NKAIN2: variants seen among roughly 807,000 people sequenced by gnomAD.
NKAIN2 encodes sodium/potassium transporting ATPase interacting 2.
A neutral mutation model predicts 32.6 loss-of-function variants in NKAIN2; 14 were observed. That is an observed-to-expected ratio of 0.43 (90% CI 0.28 to 0.67). NKAIN2 has a LOEUF of 0.67. NKAIN2 is among the 30% of genes least tolerant of loss of function. NKAIN2 has a pLI of 0.17. For missense variants in NKAIN2, 198 were observed against 258.3 expected, an observed-to-expected ratio of 0.77 and a Z score of 1.60; for synonymous variants, 80 against 87.2, an observed-to-expected ratio of 0.92 and a Z score of 0.46.
intron 3 of NKAIN2, among the ~76,000 whole-genome samples, chr6:124,581,168 G>A (rs112012790): frequency 3.3e-5 from 5 of 152,078 alleles, no homozygotes; most frequent in East Asian, 1.9e-4. Flanking sequence ...GGCCGGGCGC[G>A]GTGGCTCACG....
chr6:124,512,871 G>A (rs1356971403), intron 3 of NKAIN2, among the ~76,000 whole-genome samples: 1 of 152,056 alleles, frequency 6.6e-6, no homozygotes, highest in Non-Finnish European at 1.5e-5. Flanking sequence ...TAGAAGTGCA[G>A]AAAAATGGTA....
At chr6:123,814,700 A>C (rs929794395) in intron 1 of NKAIN2, among the ~76,000 whole-genome samples, 3 of 151,968 alleles carry the variant, frequency 2.0e-5, no homozygotes, top group African/African-American at 7.2e-5. Flanking sequence ...TTTTTTTTGA[A>C]GTTTACATAG....
intron 4 of NKAIN2, 52 bp from the exon 5 acceptor site, chr6:124,791,287 T>C: frequency 2.9e-6 from 4 of 1,386,690 alleles, no homozygotes; most frequent in Non-Finnish European, 4.1e-6. Context: ...TCCAGTGAGG[T>C]CTGGTGTTGG....
rs1354830860 is a variant in NKAIN2, at chr6:124,025,702, C to T, written c.54+221448C>T. On this transcript the variant is annotated intron_variant, in intron 1 of 6. Coordinates refer to ENST00000368417, the MANE Select transcript of NKAIN2 (RefSeq NM_001040214.3). The stretch of plus-strand genomic sequence containing the variant: ...ATTTAAGTGTTCTTACCACAATAGA[C>T]GTAAGTGTGTGAGGTGATGGATATG... Among the ~76,000 whole-genome samples the T allele has an allele frequency of 1.3e-5, 2 of 152,134 alleles. 1 individual carries two copies. The highest frequency in any genetic ancestry group is 4.1e-4 in the South Asian group (2 of 4,834).
chr6:124,508,555 G>A (rs1368093743), intron 3 of NKAIN2, among the ~76,000 whole-genome samples: 4 of 151,948 alleles, frequency 2.6e-5, no homozygotes, highest in African/African-American at 9.7e-5. Flanking sequence ...GTGTTAGCCA[G>A]AATGGTCTCG....
In NKAIN2 at chr6:124,234,486, A is replaced by C. The variant is rs1400136242; in HGVS notation, c.55-48519A>C. 2.0e-5 allele frequency among the ~76,000 whole-genome samples: 3 copies of C among 152,136 alleles called. No individual in the cohort carries two copies. The East Asian group carries it at 5.8e-4, about 29-fold the overall frequency. ...TTTCAAGTGCTAAATTCTAGTATGCATACAATATGCTCTTTATAAATATAG... is the reference window on the plus strand; with the variant it reads ...TTTCAAGTGCTAAATTCTAGTATGCCTACAATATGCTCTTTATAAATATAG... On this transcript the variant is annotated intron_variant, in intron 1 of 6. Transcript: ENST00000368417.
Position 124,541,611 on chromosome 6 carries a change from A to G in NKAIN2, c.274-116575A>G, listed in dbSNP as rs1485097770. 2.6e-5 allele frequency among the ~76,000 whole-genome samples: 4 copies of G among 152,192 alleles called. No homozygotes were observed. The East Asian group carries it at 7.7e-4, about 29-fold the overall frequency. On this transcript the variant is annotated intron_variant, in intron 3 of 6. Coordinates refer to ENST00000368417, the MANE Select transcript of NKAIN2 (RefSeq NM_001040214.3). ...TAATACTGTGACATTCAACTGTGAA[A>G]ACCAATTATTACACAATTAGAAGCA...
At chr6:124,811,267 G>A (rs541072225) in intron 5 of NKAIN2, among the ~76,000 whole-genome samples, 22 of 152,230 alleles carry the variant, frequency 1.4e-4, no homozygotes, top group African/African-American at 5.1e-4. Context: ...TGAACTGCCT[G>A]TTAAATTTTC....
At chr6:124,112,322 G>C (rs1785423117) in intron 1 of NKAIN2, among the ~76,000 whole-genome samples, 1 of 152,066 alleles carries the variant, frequency 6.6e-6, no homozygotes, top group Admixed American at 6.6e-5. Context: ...GACAGTTTTT[G>C]CCAGGTGGAG....
At chr6:124,570,708 G>A (rs1178615792) in intron 3 of NKAIN2, among the ~76,000 whole-genome samples, 6 of 152,248 alleles carry the variant, frequency 3.9e-5, no homozygotes, top group East Asian at 1.9e-4. Context: ...GGGCCCTCAT[G>A]GAGAACCTCT....
chr6:124,490,604 C>G (rs1777825706), intron 3 of NKAIN2, among the ~76,000 whole-genome samples: 1 of 151,530 alleles, frequency 6.6e-6, no homozygotes, highest in Non-Finnish European at 1.5e-5. Flanking sequence ...CCATTAATTT[C>G]AGTCATGTGA....
At chr6:123,821,976 G>T (rs973614312) in intron 1 of NKAIN2, among the ~76,000 whole-genome samples, 3 of 141,854 alleles carry the variant, frequency 2.1e-5, no homozygotes, top group Non-Finnish European at 4.5e-5. Flanking sequence ...TTATATTGAT[G>T]ACTTTTCCCT....
At chr6:123,838,396 G>A (rs1197316210) in intron 1 of NKAIN2, among the ~76,000 whole-genome samples, 3 of 152,056 alleles carry the variant, frequency 2.0e-5, no homozygotes, top group Non-Finnish European at 4.4e-5. Flanking sequence ...ATATAATAAT[G>A]AGTGTCCTTG....
At chr6:124,611,903 A>G (rs563429877) in intron 3 of NKAIN2, among the ~76,000 whole-genome samples, 130 of 152,258 alleles carry the variant, frequency 8.5e-4, no homozygotes, top group Non-Finnish European at 1.3e-3. Context: ...TGTTGTCAGC[A>G]CCATTTAGAA....
intron 1 of NKAIN2, among the ~76,000 whole-genome samples, chr6:124,272,265 T>C (rs967627667): frequency 6.6e-6 from 1 of 152,138 alleles, no homozygotes; most frequent in Non-Finnish European, 1.5e-5. Flanking sequence ...AAAATTGTAT[T>C]CATGGGCTGG....
intron 2 of NKAIN2, among the ~76,000 whole-genome samples, chr6:124,284,806 T>G (rs904572419): frequency 2.0e-5 from 3 of 152,010 alleles, no homozygotes; most frequent in Admixed American, 2.0e-4. Context: ...TACTAACCTG[T>G]GTAACATAGC....
intron 1 of NKAIN2, among the ~76,000 whole-genome samples, chr6:123,857,863 A>G (rs1370518882): frequency 2.7e-5 from 4 of 150,544 alleles, no homozygotes; most frequent in East Asian, 3.9e-4. Context: ...CAGCTGCCCC[A>G]TATGTCAGTG....
At chr6:124,267,994 A>T (rs1794581600) in intron 1 of NKAIN2, among the ~76,000 whole-genome samples, 2 of 152,154 alleles carry the variant, frequency 1.3e-5, no homozygotes, top group Admixed American at 6.5e-5. Context: ...TTATGCCTTT[A>T]TGTAGTCTTT....
intron 1 of NKAIN2, among the ~76,000 whole-genome samples, chr6:123,981,628 T>A (rs894431543): frequency 1.3e-5 from 2 of 152,202 alleles, no homozygotes; most frequent in African/African-American, 4.8e-5. Flanking sequence ...CAGCTCTTGA[T>A]AGACTTGTCT....
Sources: allele counts gnomAD v4.1 joint callset (sites outside exome capture counted in the v4.1 genomes callset), GRCh38; gene constraint gnomAD v4.1.1; transcripts MANE v1.5; gene names NCBI Gene and HGNC (gene_info 2026-07-23, HGNC 2026-07-21).